The following NLGN1 variants were observed in gnomAD, a reference collection of about 807,000 sequenced individuals.
NLGN1 encodes neuroligin 1.
NLGN1 carries 12 observed loss-of-function variants against 65.5 expected under a neutral mutation model. The ratio of observed to expected loss-of-function variants is 0.18; its 90% CI spans 0.12 to 0.30. NLGN1 has a LOEUF of 0.30. Ranked by LOEUF, NLGN1 falls within the 10% of genes least tolerant of loss-of-function variation. The pLI is 1.00. For synonymous variants in NLGN1, 350 were observed against 359.5 expected (o/e 0.97, Z 0.30); for missense variants, 750 against 1,007.1 (o/e 0.74, Z 3.46).
rs1224471514 is a variant in NLGN1, at chr3:173,906,878, CAA to C, written c.646+99064_646+99065del. ...TCATCTTTAAACAAACAAACAAAAA[CAA>C]AAAAAAAAAAAAAAAAAGAAAGGGA... On this transcript the variant is annotated intron_variant, in intron 4 of 6. Coordinates refer to ENST00000457714, the Ensembl canonical transcript of NLGN1. Among the ~76,000 whole-genome samples, 631 of 88,262 alleles carry C rather than the reference CAA, an allele frequency of 7.1e-3. 2 individuals are homozygous for C. The highest frequency in any genetic ancestry group is 0.023 in the African/African-American group (590 of 25,452). The allele number at this position is 88,262 out of a possible 152,430, so 57.9% of individuals were successfully genotyped here.
intron 3 of NLGN1, among the ~76,000 whole-genome samples, chr3:173,727,150 T>C (rs538129267): frequency 1.3e-5 from 2 of 152,240 alleles, no homozygotes; most frequent in East Asian, 3.9e-4. Context: ...TAGCCACTGT[T>C]GGGAGGAAAA....
intron 4 of NLGN1, among the ~76,000 whole-genome samples, chr3:173,890,226 T>C (rs1264569507): frequency 6.6e-6 from 1 of 152,142 alleles, no homozygotes; most frequent in Admixed American, 6.6e-5. Context: ...CACAGAGAAC[T>C]CTTTCAGTCG....
chr3:173,884,338 A>C, intron 4 of NLGN1, among the ~76,000 whole-genome samples: 1 of 152,188 alleles, frequency 6.6e-6, no homozygotes. Flanking sequence ...AGGCATGCGC[A>C]AACATCCCGT....
At chr3:174,103,992 G>C (rs1174879360) in intron 4 of NLGN1, among the ~76,000 whole-genome samples, 2 of 151,924 alleles carry the variant, frequency 1.3e-5, no homozygotes, top group African/African-American at 4.8e-5. Context: ...CAGAAAAATA[G>C]AACACCTGGC....
At chr3:173,428,892 T>C (rs1716653782) in intron 1 of NLGN1, among the ~76,000 whole-genome samples, 1 of 152,126 alleles carries the variant, frequency 6.6e-6, no homozygotes, top group Admixed American at 6.6e-5. Context: ...AGCTCCTTTA[T>C]ATGTTGTTTC....
At chr3:173,752,749 G>A (rs1275934794) in intron 3 of NLGN1, among the ~76,000 whole-genome samples, 2 of 151,992 alleles carry the variant, frequency 1.3e-5, no homozygotes, top group Non-Finnish European at 2.9e-5. Context: ...GTGGTTTTCA[G>A]ACTGCCCAGT....
At chr3:174,244,500 A>T (rs1278020158) in intron 4 of NLGN1, among the ~76,000 whole-genome samples, 1 of 152,208 alleles carries the variant, frequency 6.6e-6, no homozygotes, top group African/African-American at 2.4e-5. Context: ...TTTTCAAATA[A>T]ATGTCTTTTA....
At chr3:173,607,058 A>G (rs186185959) in intron 3 of NLGN1, among the ~76,000 whole-genome samples, 4 of 152,140 alleles carry the variant, frequency 2.6e-5, no homozygotes, top group Non-Finnish European at 5.9e-5. Flanking sequence ...AGCATAATAA[A>G]TAAAAACATG....
intron 4 of NLGN1, among the ~76,000 whole-genome samples, chr3:173,875,740 A>G (rs1258848215): frequency 1.3e-5 from 2 of 152,216 alleles, no homozygotes. Flanking sequence ...TAATATTAAC[A>G]GGATAGAGAC....
intron 3 of NLGN1, among the ~76,000 whole-genome samples, chr3:173,608,068 T>C (rs1383578383): frequency 6.6e-6 from 1 of 151,880 alleles, no homozygotes; most frequent in African/African-American, 2.4e-5. Context: ...CAAACAACTT[T>C]ACAAAGAGCA....
chr3:173,739,012 G>A (rs532413855), intron 3 of NLGN1, among the ~76,000 whole-genome samples: 18 of 152,174 alleles, frequency 1.2e-4, no homozygotes, highest in African/African-American at 3.6e-4. Context: ...GGAGGAGGCT[G>A]TTCAAGAAGT....
intron 4 of NLGN1, among the ~76,000 whole-genome samples, chr3:173,890,438 C>G (rs772558997): frequency 1.7e-4 from 26 of 152,134 alleles, no homozygotes; most frequent in Non-Finnish European, 3.5e-4. Flanking sequence ...CAAAATCTAT[C>G]TGGCCTTTAT....
intron 4 of NLGN1, among the ~76,000 whole-genome samples, chr3:174,030,300 A>G (rs900925669): frequency 7.9e-5 from 12 of 151,578 alleles, no homozygotes; most frequent in African/African-American, 2.4e-4. Flanking sequence ...TAATTTTTGT[A>G]TTTTTAGTAG....
chr3:173,472,480 A>C lies in NLGN1; in HGVS notation c.-321+37402A>C, dbSNP rs28690210. Among the ~76,000 whole-genome samples the C allele has an allele frequency of 2.5e-3, 382 of 152,200 alleles. 2 individuals carry two copies. The highest frequency in any genetic ancestry group is 8.8e-3 in the African/African-American group (365 of 41,528). ...TCAGGAGTACAATTTGCAGAGTTAG[A>C]AATTATATTAAATAATTAAAATGGA... On this transcript the variant is annotated intron_variant, in intron 2 of 6. Coordinates refer to ENST00000457714, the Ensembl canonical transcript of NLGN1.
chr3:173,491,024 A>G (rs1246615649), intron 2 of NLGN1, among the ~76,000 whole-genome samples: 2 of 151,846 alleles, frequency 1.3e-5, no homozygotes, highest in Non-Finnish European at 2.9e-5. Flanking sequence ...TAGATATACA[A>G]TCATGTCATC....
chr3:173,837,227 C>G (rs1723794763), intron 4 of NLGN1, among the ~76,000 whole-genome samples: 2 of 152,184 alleles, frequency 1.3e-5, no homozygotes, highest in Admixed American at 1.3e-4. Flanking sequence ...CTTGCTGGCT[C>G]AGACTACAGC....
chr3:174,238,777 G>A (rs1742229684), intron 4 of NLGN1, among the ~76,000 whole-genome samples: 2 of 152,140 alleles, frequency 1.3e-5, no homozygotes, highest in African/African-American at 4.8e-5. Flanking sequence ...AAAATAGTAT[G>A]TCTATATTTG....
chr3:173,612,231 G>A (rs1752414156), intron 3 of NLGN1, among the ~76,000 whole-genome samples: 1 of 152,094 alleles, frequency 6.6e-6, no homozygotes, highest in African/African-American at 2.4e-5. Flanking sequence ...CTCTGGACAA[G>A]TTGTAGAAGC....
At chr3:173,565,976 C>T (rs779523926) in intron 2 of NLGN1, among the ~76,000 whole-genome samples, 1 of 152,140 alleles carries the variant, frequency 6.6e-6, no homozygotes, top group Admixed American at 6.5e-5. Flanking sequence ...GAGATTTAAT[C>T]TCTCACTATG....
Sources: allele counts gnomAD v4.1 joint callset (sites outside exome capture counted in the v4.1 genomes callset), GRCh38; gene constraint gnomAD v4.1.1; transcripts MANE v1.5; gene names NCBI Gene and HGNC (gene_info 2026-07-23, HGNC 2026-07-21).